Variants in OSBPL5 observed in about 807,000 individuals in gnomAD.
OSBPL5 encodes oxysterol binding protein like 5, also known as oxysterol-binding protein-related protein 5.
A neutral mutation model predicts 111.2 loss-of-function variants in OSBPL5; 71 were observed. That is an observed-to-expected ratio of 0.64 (90% CI 0.53 to 0.78). The LOEUF (loss-of-function observed/expected upper bound fraction) is 0.78, where lower values mean the gene tolerates loss of function less well. Ranked by LOEUF, OSBPL5 falls within the 30% of genes least tolerant of loss-of-function variation. The pLI is 0.00. For missense variants in OSBPL5, 1,210 were observed against 1,189.3 expected, an observed-to-expected ratio of 1.02 and a Z score of -0.26; for synonymous variants, 549 against 513.9, an observed-to-expected ratio of 1.07 and a Z score of -0.93.
intron 21 of OSBPL5, 63 bp from the exon 22 acceptor site, chr11:3,088,406 G>A: frequency 2.1e-6 from 3 of 1,426,312 alleles, no homozygotes; most frequent in Non-Finnish European, 2.7e-6. Context: ...CCTCCCACAA[G>A]CCAGGACAGT....
chr11:3,093,717 C>A (rs745737778), intron 16 of OSBPL5, 29 bp downstream of exon 16: 2 of 1,612,586 alleles, frequency 1.2e-6, no homozygotes, highest in African/African-American at 2.7e-5. Context: ...ACCGCCCGGC[C>A]GTGCCTGCCC....
intron 11 of OSBPL5, 99 bp downstream of exon 11, chr11:3,103,139 AG>A (rs1857515369): frequency 3.9e-6 from 4 of 1,015,498 alleles, no homozygotes; most frequent in Non-Finnish European, 4.3e-6. Context: ...CATGTGGGGT[AG>A]GGGGTGGCCC....
intron 21 of OSBPL5, among the ~76,000 whole-genome samples, chr11:3,088,923 T>C (rs1348600169): frequency 1.3e-5 from 2 of 152,074 alleles, no homozygotes; most frequent in African/African-American, 4.8e-5. Flanking sequence ...GTAGACGCGC[T>C]GTCCGAGCCC....
At chr11:3,155,888 C>A (rs1413351339) in intron 1 of OSBPL5, among the ~76,000 whole-genome samples, 1 of 152,224 alleles carries the variant, frequency 6.6e-6, no homozygotes, top group African/African-American at 2.4e-5. Context: ...TGTGAGCAGA[C>A]CTGCAGAACC....
Position 3,162,264 on chromosome 11 carries a change from G to A in OSBPL5, c.-22+2952C>T, listed in dbSNP as rs988226924. 3.9e-5 allele frequency among the ~76,000 whole-genome samples: 6 copies of A among 152,158 alleles called. No individual in the cohort carries two copies. Among genetic ancestry groups the A allele is most frequent in the African/African-American group, 1.4e-4 (6 of 41,434 alleles). On this transcript the variant is annotated intron_variant, in intron 1 of 21. Transcript: ENST00000263650. This position sits in a 1 kb window ranked among gnomAD's most constrained non-coding sequence, Gnocchi z 8.1. ...GAGGGGAGTGGAGGCCAGCCCTGGA[G>A]GGAGTAGCCGGATGTGAGGTGGGCT...
rs751794550 is a variant in OSBPL5 at position 3,138,963 on chromosome 11, C to T, written c.-21-9794G>A. 5.9e-5 allele frequency among the ~76,000 whole-genome samples: 9 copies of T among 152,236 alleles called. No homozygotes were observed. In the South Asian group the frequency reaches 6.2e-4, roughly 11 times the overall value. ...AGACCAGAGCAAAACAAAGAGGACG[C>T]GGCTGCTGTGGGCCAAGACTGAGGT... On this transcript the variant is annotated intron_variant, in intron 1 of 21. Coordinates refer to ENST00000263650, the MANE Select transcript of OSBPL5 (RefSeq NM_020896.4).
At chr11:3,144,647 G>A (rs1205360851) in intron 1 of OSBPL5, among the ~76,000 whole-genome samples, 3 of 152,224 alleles carry the variant, frequency 2.0e-5, no homozygotes, top group Non-Finnish European at 4.4e-5. Flanking sequence ...CTGACTTTGG[G>A]GACACCCCAT....
intron 14 of OSBPL5, among the ~76,000 whole-genome samples, chr11:3,095,532 C>T (rs1857229109): frequency 6.6e-6 from 1 of 152,028 alleles, no homozygotes; most frequent in Non-Finnish European, 1.5e-5. Flanking sequence ...GGCCCCTGAG[C>T]CAACTATGGC....
chr11:3,095,110 G>A (rs1393668528), intron 14 of OSBPL5, among the ~76,000 whole-genome samples: 1 of 151,818 alleles, frequency 6.6e-6, no homozygotes, highest in Non-Finnish European at 1.5e-5. Flanking sequence ...TCCAGAGGGG[G>A]CTGTGTGAGT....
At chr11:3,100,296 A>G (rs1325192674) in intron 13 of OSBPL5, 40 bp from the exon 14 acceptor site, 1 of 1,590,444 alleles carries the variant, frequency 6.3e-7, no homozygotes, top group Non-Finnish European at 8.6e-7. Context: ...GAGTGCGGAC[A>G]GCCCTTTCAC....
At chr11:3,103,749 TCTTCCAGCTCTGC>T (rs1857555494) in intron 10 of OSBPL5, among the ~76,000 whole-genome samples, 6 of 45,546 alleles carry the variant, frequency 1.3e-4, no homozygotes, top group African/African-American at 5.6e-4. Flanking sequence ...TCTGCAACCC[TCTTCCAGCTCTGC>T]AGCCCCCTTC....
At chr11:3,101,485 G>A in intron 13 of OSBPL5, 118 bp downstream of exon 13, 1 of 909,628 alleles carries the variant, frequency 1.1e-6, no homozygotes, top group East Asian at 2.6e-5. Context: ...TGACTAGGAG[G>A]GGTTGGGAGG....
chr11:3,094,582 G>A (rs1857192302), intron 14 of OSBPL5: 4 of 490,100 alleles, frequency 8.2e-6, no homozygotes, highest in Non-Finnish European at 1.5e-5. Context: ...GAGCCTGGGA[G>A]GCACGCCTGG....
chr11:3,140,950 C>G lies in OSBPL5; in HGVS notation c.-21-11781G>C, dbSNP rs559105096. ...GACCACCTCAGAGCCACTCCTTCCC[C>G]GATGCCATCTGTCAAGGGTCAGGGG... On this transcript the variant is annotated intron_variant, in intron 1 of 21. Coordinates refer to ENST00000263650, the MANE Select transcript of OSBPL5 (RefSeq NM_020896.4). The surrounding 1 kb of genome is among the most constrained non-coding windows in gnomAD (Gnocchi z 4.5). Among the ~76,000 whole-genome samples the G allele has an allele frequency of 1.3e-5, 2 of 152,054 alleles. No homozygotes were observed. The highest frequency in any genetic ancestry group is 1.3e-4 in the Admixed American group (2 of 15,280).
At chr11:3,103,859 C>CCTCT (rs1564830734) in intron 10 of OSBPL5, among the ~76,000 whole-genome samples, 6 of 40,588 alleles carry the variant, frequency 1.5e-4, no homozygotes, top group Admixed American at 2.9e-4. Context: ...TTCCAGTCTG[C>CCTCT]GCAGCCCCCT....
Position 3,105,578 on chromosome 11 carries a change from C to T in OSBPL5, c.1060-1201G>A, listed in dbSNP as rs778978533. Among the ~76,000 whole-genome samples the T allele has an allele frequency of 2.0e-5, 3 of 152,162 alleles. No homozygotes were observed. The highest frequency in any genetic ancestry group is 7.2e-5 in the African/African-American group (3 of 41,424). ...CTGCCGTCTTCTCTACTGAGACTGT[C>T]TTGCCGTAGGTCCCCACCACTCCTC... is the stretch of plus-strand genomic sequence containing the variant. On this transcript the variant is annotated intron_variant, in intron 9 of 21. Transcript: ENST00000263650. This position sits in a 1 kb window ranked among gnomAD's most constrained non-coding sequence, Gnocchi z 5.2.
chr11:3,092,641 A>C lies in OSBPL5; in HGVS notation c.2133-83T>G. On this transcript the variant is annotated intron_variant, in intron 18 of 21. Coordinates refer to ENST00000263650, the MANE Select transcript of OSBPL5 (RefSeq NM_020896.4). This position sits in a 1 kb window ranked among gnomAD's most constrained non-coding sequence, Gnocchi z 5.4. ...GTCCTGGCCCAGTCTTCAGCCCCCC[A>C]ACAGTGGCCAGAGACCTCCAGGAGA... 1 of 1,455,986 alleles carries C rather than the reference A, an allele frequency of 6.9e-7. No homozygotes were observed. Among genetic ancestry groups the C allele is most frequent in the Admixed American group, 2.4e-5 (1 of 42,186 alleles). The allele number at this position is 1,455,986 out of a possible 1,614,324, so 90.2% of individuals were successfully genotyped here.
rs534962886 is a variant in OSBPL5 at position 3,133,759 on chromosome 11, C to T, written c.-21-4590G>A. 3.3e-5 allele frequency among the ~76,000 whole-genome samples: 5 copies of T among 152,356 alleles called. No individual in the cohort carries two copies. The East Asian group carries it at 7.7e-4, about 24-fold the overall frequency. On this transcript the variant is annotated intron_variant, in intron 1 of 21. Transcript: ENST00000263650. Reference sequence around the variant, plus strand: ...CCTGAAGTCCAAGTGCAGGAGGGGACGCTGTGGGGCTTGGGAGGAAGGAGC... The same window carrying T: ...CCTGAAGTCCAAGTGCAGGAGGGGATGCTGTGGGGCTTGGGAGGAAGGAGC...
At chr11:3,125,162 A>T (rs745411735) in intron 3 of OSBPL5, among the ~76,000 whole-genome samples, 1 of 152,252 alleles carries the variant, frequency 6.6e-6, no homozygotes, top group Non-Finnish European at 1.5e-5. Context: ...GAGGCACCTG[A>T]GAGATGAGAA....
Sources: gnomAD v4.1 joint callset for allele counts (sites outside exome capture counted in the v4.1 genomes callset) on GRCh38, gnomAD v4.1.1 for gene constraint, Gnocchi (gnomAD v3.1) non-coding constraint, MANE v1.5 for transcripts, NCBI Gene and HGNC (gene_info 2026-07-23, HGNC 2026-07-21) for gene names.